Variants in ARMH4 observed in about 807,000 individuals in gnomAD.
The protein encoded by ARMH4 is armadillo-like helical domain-containing protein 4.
ARMH4 carries 49 observed loss-of-function variants against 61.9 expected under a neutral mutation model. The observed-to-expected ratio is 0.79, with a 90% CI of 0.63 to 1.00. The LOEUF is 1.00. Ranked by LOEUF, ARMH4 falls within the 50% of genes least tolerant of loss-of-function variation. The pLI is 0.00. For missense variants in ARMH4, 934 were observed against 930.0 expected (o/e 1.00, Z -0.06); for synonymous variants, 368 against 341.5 (o/e 1.08, Z -0.85).
intron 5 of ARMH4, among the ~76,000 whole-genome samples, chr14:58,075,525 T>C (rs1174970304): frequency 6.6e-6 from 1 of 152,098 alleles, no homozygotes; most frequent in Non-Finnish European, 1.5e-5. Flanking sequence ...ACACCACATG[T>C]TCTCACTCAT....
chr14:58,021,199 A>G (rs1594695746), intron 5 of ARMH4, among the ~76,000 whole-genome samples: 1 of 152,230 alleles, frequency 6.6e-6, no homozygotes, highest in Non-Finnish European at 1.5e-5. Flanking sequence ...CTGTGTCCTC[A>G]CCCAAGTTTC....
At chr14:58,055,522 C>T (rs1280995820) in intron 5 of ARMH4, among the ~76,000 whole-genome samples, 1 of 152,164 alleles carries the variant, frequency 6.6e-6, no homozygotes, top group Non-Finnish European at 1.5e-5. Flanking sequence ...CATAATTACC[C>T]TATATTTAAT....
chr14:58,146,077 C>A (rs1887724668), intron 1 of ARMH4, among the ~76,000 whole-genome samples: 1 of 152,244 alleles, frequency 6.6e-6, no homozygotes, highest in Non-Finnish European at 1.5e-5. Context: ...TAACCATCTG[C>A]AACCATATTT....
intron 4 of ARMH4, chr14:58,116,515 A>C (rs567322432): frequency 4.1e-6 from 1 of 242,444 alleles, no homozygotes; most frequent in Non-Finnish European, 8.8e-6. Context: ...TCTCTACAAA[A>C]AAATACAAAA....
At chr14:58,045,046 C>A (rs1452594982) in intron 5 of ARMH4, among the ~76,000 whole-genome samples, 4 of 152,308 alleles carry the variant, frequency 2.6e-5, no homozygotes, top group Middle Eastern at 3.4e-3. Context: ...TTGTGGAAGA[C>A]AGTATGGCGA....
In ARMH4 at chr14:58,133,156, G is replaced by C. The variant is rs534577596; in HGVS notation, c.1555C>G (p.Pro519Ala). ...GTAGTTGAAATTGTAGTGGCCAGAGGCTCCCATCTTCTTGACAGCTGAGTA... is the reference window on the plus strand; with the variant it reads ...GTAGTTGAAATTGTAGTGGCCAGAGCCTCCCATCTTCTTGACAGCTGAGTA... Reference protein sequence around the residue: ...GVTQLSRRWEPLATTISTTVV... With the variant: ...GVTQLSRRWEALATTISTTVV... The change falls in exon 3 of 8, where the codon CCT (proline) becomes GCT (alanine). Residue 519 changes from proline (P) to alanine (A), a missense_variant. Physicochemically the swap from Pro to Ala is conservative, Grantham distance 27. Coordinates refer to ENST00000267485, the MANE Select transcript of ARMH4 (RefSeq NM_001001872.4). 4.3e-6 allele frequency: 7 copies of C among 1,614,110 alleles called. No individual in the cohort carries two copies. In the East Asian group the frequency reaches 8.9e-5, roughly 21 times the overall value.
intron 5 of ARMH4, among the ~76,000 whole-genome samples, chr14:58,015,453 C>A (rs1882575998): frequency 6.6e-6 from 1 of 152,110 alleles, no homozygotes; most frequent in African/African-American, 2.4e-5. Flanking sequence ...GAACATGAGA[C>A]CCCGGAGCGC....
In ARMH4 at chr14:58,139,340, A is replaced by G. The variant is rs1197271548; in HGVS notation, c.19T>C (p.Leu7=). 2.5e-6 allele frequency: 4 copies of G among 1,614,018 alleles called. No homozygotes were observed. The highest frequency in any genetic ancestry group is 1.1e-5 in the South Asian group (1 of 91,088). ...CTACAGAAAGCCAGACAAATGTGCA[A>G]TACAATCGGTCCTCTCATAGTGGAA... The part of the protein sequence containing the change: MRGPIV[L]HICLAFCSLL... Residue 7 remains leucine (L), a synonymous_variant, in exon 2 of 8, where the codon TTG becomes CTG. Coordinates refer to ENST00000267485, the MANE Select transcript of ARMH4 (RefSeq NM_001001872.4).
At chr14:58,123,601 T>C (rs1285330152) in intron 4 of ARMH4, among the ~76,000 whole-genome samples, 2 of 152,180 alleles carry the variant, frequency 1.3e-5, no homozygotes, top group Admixed American at 6.5e-5. Flanking sequence ...CTTTCCCAAA[T>C]ACCAGAGGAA....
chr14:58,075,031 AAATCAAAACT>A (rs1338996920), intron 5 of ARMH4, among the ~76,000 whole-genome samples: 2 of 152,230 alleles, frequency 1.3e-5, no homozygotes, highest in Non-Finnish European at 2.9e-5. Context: ...AGAGAAATGC[AAATCAAAACT>A]GCATTGAGAT....
intron 1 of ARMH4, among the ~76,000 whole-genome samples, chr14:58,144,583 T>C (rs749852986): frequency 9.2e-5 from 14 of 151,594 alleles, no homozygotes; most frequent in Non-Finnish European, 1.9e-4. Flanking sequence ...ACAAAACATA[T>C]GAGGCCTGGC....
chr14:58,118,597 G>C (rs1350963075), intron 4 of ARMH4, among the ~76,000 whole-genome samples: 2 of 151,992 alleles, frequency 1.3e-5, no homozygotes, highest in African/African-American at 4.8e-5. Context: ...GCCTGGCAAA[G>C]TGCCTGAAAT....
At chr14:58,136,196 G>A (rs1348224089) in intron 2 of ARMH4, among the ~76,000 whole-genome samples, 3 of 152,100 alleles carry the variant, frequency 2.0e-5, no homozygotes, top group Admixed American at 6.6e-5. Context: ...ATTTGCTGAG[G>A]CAATTATGAC....
At chr14:58,129,893 T>C (rs1345750328) in intron 4 of ARMH4, among the ~76,000 whole-genome samples, 1 of 152,194 alleles carries the variant, frequency 6.6e-6, no homozygotes, top group East Asian at 1.9e-4. Flanking sequence ...GATCAAAAAC[T>C]AACAAAATAT....
At chr14:58,013,375 G>C (rs1882483077) in intron 5 of ARMH4, among the ~76,000 whole-genome samples, 1 of 151,548 alleles carries the variant, frequency 6.6e-6, no homozygotes, top group South Asian at 2.1e-4. Flanking sequence ...TTTTTCTTTT[G>C]ATTTTTTTCA....
chr14:58,104,642 C>A (rs184025955), intron 4 of ARMH4, among the ~76,000 whole-genome samples: 57 of 152,250 alleles, frequency 3.7e-4, no homozygotes, highest in Non-Finnish European at 6.5e-4. Flanking sequence ...CCTACTATTA[C>A]AGATCAGTAA....
chr14:58,105,120 C>T (rs990299170), intron 4 of ARMH4, among the ~76,000 whole-genome samples: 1 of 152,182 alleles, frequency 6.6e-6, no homozygotes, highest in African/African-American at 2.4e-5. Flanking sequence ...AGAACAATGA[C>T]ATGCTGTAAA....
intron 5 of ARMH4, among the ~76,000 whole-genome samples, chr14:58,070,365 T>C (rs1354461130): frequency 2.6e-5 from 4 of 152,158 alleles, no homozygotes; most frequent in Non-Finnish European, 5.9e-5. Context: ...TTCTACATGC[T>C]GACCTCACAT....
intron 5 of ARMH4, among the ~76,000 whole-genome samples, chr14:58,035,029 T>G (rs200309747): frequency 0.37 from 33,896 of 92,266 alleles, 6,737 homozygotes; most frequent in East Asian, 0.52. Flanking sequence ...CCCAGGAATT[T>G]AACTCAGCTC....
Sources: allele counts gnomAD v4.1 joint callset (sites outside exome capture counted in the v4.1 genomes callset), GRCh38; gene constraint gnomAD v4.1.1; transcripts MANE v1.5; gene names NCBI Gene and HGNC (gene_info 2026-07-23, HGNC 2026-07-21).